Variants in PTPRD observed in about 807,000 individuals in gnomAD.
The protein encoded by PTPRD is protein tyrosine phosphatase receptor type D.
Under a neutral mutation model 214.5 loss-of-function variants are expected in PTPRD, and 34 were observed. The ratio of observed to expected loss-of-function variants is 0.16; its 90% CI spans 0.12 to 0.21. The LOEUF is 0.21. PTPRD is among the 10% of genes least tolerant of loss of function. The pLI is 1.00. For missense variants in PTPRD, 2,545 were observed against 2,398.7 expected, an observed-to-expected ratio of 1.06 and a Z score of -1.27; for synonymous variants, 1,128 against 845.7, an observed-to-expected ratio of 1.33 and a Z score of -5.79.
At chr9:9,302,042 A>G (rs1013006375) in intron 9 of PTPRD, among the ~76,000 whole-genome samples, 5 of 151,974 alleles carry the variant, frequency 3.3e-5, no homozygotes, top group African/African-American at 1.2e-4. Flanking sequence ...AAATTGATAA[A>G]TTATAAAATA....
At chr9:9,733,520 T>G (rs928225137) in intron 7 of PTPRD, among the ~76,000 whole-genome samples, 13 of 152,238 alleles carry the variant, frequency 8.5e-5, no homozygotes, top group African/African-American at 2.9e-4. Context: ...AATGAAATGA[T>G]TATAACATAT....
chr9:9,900,536 A>G (rs763253660), intron 5 of PTPRD, among the ~76,000 whole-genome samples: 5 of 152,136 alleles, frequency 3.3e-5, no homozygotes, highest in Non-Finnish European at 7.3e-5. Context: ...GCAAGTCTCT[A>G]AGAAGTTCTA....
intron 11 of PTPRD, among the ~76,000 whole-genome samples, chr9:8,937,571 G>A (rs368850276): frequency 5.3e-5 from 8 of 152,108 alleles, no homozygotes; most frequent in South Asian, 2.1e-4. Context: ...GTCCCTCAGA[G>A]AGGCCCTATT....
chr9:10,087,754 TA>T (rs1237780770), intron 3 of PTPRD, among the ~76,000 whole-genome samples: 1 of 151,686 alleles, frequency 6.6e-6, no homozygotes, highest in Admixed American at 6.6e-5. Flanking sequence ...CAACAATTAT[TA>T]TGGGAAGCAC....
intron 9 of PTPRD, among the ~76,000 whole-genome samples, chr9:9,198,284 C>T (rs180725669): frequency 6.6e-6 from 1 of 152,026 alleles, no homozygotes; most frequent in East Asian, 1.9e-4. Context: ...TGAAAACATA[C>T]ACCATAAAAT....
chr9:8,356,676 T>A (rs2077065240), intron 39 of PTPRD, among the ~76,000 whole-genome samples: 1 of 152,220 alleles, frequency 6.6e-6, no homozygotes, highest in African/African-American at 2.4e-5. Flanking sequence ...GACCTCATTA[T>A]TGACAGCTGT....
At chr9:9,784,829 T>C (rs1170997411) in intron 5 of PTPRD, among the ~76,000 whole-genome samples, 1 of 147,056 alleles carries the variant, frequency 6.8e-6, no homozygotes, top group African/African-American at 2.5e-5. Context: ...ATTAGATATA[T>C]GTATGATGTC....
At chr9:9,710,934 T>C (rs918163876) in intron 7 of PTPRD, among the ~76,000 whole-genome samples, 1 of 152,078 alleles carries the variant, frequency 6.6e-6, no homozygotes, top group Admixed American at 6.6e-5. Context: ...AACTGGCACA[T>C]CTAAATGGTC....
At chr9:10,347,144 T>C (rs2097098468) in intron 2 of PTPRD, among the ~76,000 whole-genome samples, 1 of 152,186 alleles carries the variant, frequency 6.6e-6, no homozygotes, top group African/African-American at 2.4e-5. Context: ...GTTGTCTTTC[T>C]CTACTCTTCT....
At chr9:9,795,772 G>T (rs1393169376) in intron 5 of PTPRD, among the ~76,000 whole-genome samples, 1 of 151,206 alleles carries the variant, frequency 6.6e-6, no homozygotes, top group Non-Finnish European at 1.5e-5. Context: ...GTATCCTATT[G>T]TATCAGATCA....
chr9:9,905,598 G>A (rs2153816932), intron 5 of PTPRD, among the ~76,000 whole-genome samples: 1 of 151,342 alleles, frequency 6.6e-6, no homozygotes, highest in East Asian at 1.9e-4. Context: ...TAATATACTG[G>A]TCCCTATTCT....
At chr9:9,232,953 T>A (rs1410194152) in intron 9 of PTPRD, among the ~76,000 whole-genome samples, 1 of 152,122 alleles carries the variant, frequency 6.6e-6, no homozygotes, top group African/African-American at 2.4e-5. Flanking sequence ...ACCCTCCTTG[T>A]TCTTCTATAT....
intron 9 of PTPRD, among the ~76,000 whole-genome samples, chr9:9,335,433 C>T (rs1469333677): frequency 6.6e-6 from 1 of 152,162 alleles, no homozygotes; most frequent in African/African-American, 2.4e-5. Flanking sequence ...AATTATTTCT[C>T]ACTACGTGTT....
At chr9:10,056,320 CAA>C (rs35142087) in intron 3 of PTPRD, among the ~76,000 whole-genome samples, 14 of 126,974 alleles carry the variant, frequency 1.1e-4, no homozygotes, top group African/African-American at 1.4e-4. Flanking sequence ...GACTCCATCT[CAA>C]AAAAAAAAAA....
At chr9:10,060,494 G>C (rs1480689390) in intron 3 of PTPRD, among the ~76,000 whole-genome samples, 2 of 151,766 alleles carry the variant, frequency 1.3e-5, no homozygotes, top group African/African-American at 4.8e-5. Context: ...AAATATATGA[G>C]GTATAATTTC....
At chr9:9,357,815 A>G (rs979672575) in intron 9 of PTPRD, among the ~76,000 whole-genome samples, 4 of 151,038 alleles carry the variant, frequency 2.6e-5, no homozygotes, top group African/African-American at 9.7e-5. Flanking sequence ...TAAAGGCATT[A>G]TAAATATATT....
At chr9:10,567,493 G>A (rs2065981121) in intron 2 of PTPRD, among the ~76,000 whole-genome samples, 1 of 151,944 alleles carries the variant, frequency 6.6e-6, no homozygotes, top group South Asian at 2.1e-4. Context: ...ACCATAATGT[G>A]ACCTTATTTT....
At chr9:10,592,382 T>C (rs2075675097) in intron 2 of PTPRD, among the ~76,000 whole-genome samples, 5 of 152,002 alleles carry the variant, frequency 3.3e-5, no homozygotes, top group Admixed American at 2.0e-4. Flanking sequence ...CTGTTTAAAA[T>C]GACAGCTTGG....
At position 9,622,462 on chromosome 9, in the gene PTPRD, T is replaced by C. The variant is rs2095277503; in HGVS notation, c.-286-47681A>G. Among the ~76,000 whole-genome samples, 3 of 152,220 alleles carry C rather than the reference T, an allele frequency of 2.0e-5. No homozygotes were observed. In the South Asian group the frequency reaches 6.2e-4, roughly 32 times the overall value. ...TATTATTTTTATCATTTACGTATTG[T>C]ACAAATAAAATGTTATTGCATCTCA... is the stretch of plus-strand genomic sequence containing the variant. On this transcript the variant is annotated intron_variant, in intron 7 of 45. Transcript: ENST00000381196.
Sources: gnomAD v4.1 joint callset for allele counts (sites outside exome capture counted in the v4.1 genomes callset) on GRCh38, gnomAD v4.1.1 for gene constraint, MANE v1.5 for transcripts, NCBI Gene and HGNC (gene_info 2026-07-23, HGNC 2026-07-21) for gene names.